Variants in LONRF1 observed in about 807,000 individuals in gnomAD.
The protein encoded by LONRF1 is LON peptidase N-terminal domain and ring finger 1, also known as LON peptidase N-terminal domain and RING finger protein 1.
A neutral mutation model predicts 85.8 loss-of-function variants in LONRF1; 37 were observed. The observed-to-expected ratio is 0.43, with a 90% CI of 0.33 to 0.57. The LOEUF (loss-of-function observed/expected upper bound fraction) is 0.57. Ranked by LOEUF, LONRF1 falls within the 20% of genes least tolerant of loss-of-function variation. The probability of loss-of-function intolerance (pLI) is 0.04; values close to 1 mark genes in which losing one functional copy is unlikely to be tolerated. For synonymous variants in LONRF1, 517 were observed against 390.1 expected (o/e 1.33, Z -3.83); for missense variants, 1,036 against 978.0 (o/e 1.06, Z -0.79).
chr8:12,746,957 T>A (rs897796579), intron 1 of LONRF1, among the ~76,000 whole-genome samples: 4 of 152,210 alleles, frequency 2.6e-5, no homozygotes, highest in Non-Finnish European at 5.9e-5. Context: ...TGTTTGCTAT[T>A]ATGATTCTGT....
chr8:12,732,693 T>C (rs1449670792), intron 7 of LONRF1, among the ~76,000 whole-genome samples: 1 of 152,228 alleles, frequency 6.6e-6, no homozygotes, highest in African/African-American at 2.4e-5. Context: ...AGAACCCATA[T>C]TTTACTGTTT....
chr8:12,751,936 C>T (rs796518709), intron 1 of LONRF1, among the ~76,000 whole-genome samples: 5 of 152,176 alleles, frequency 3.3e-5, no homozygotes, highest in African/African-American at 1.2e-4. Flanking sequence ...AGAGTTAATA[C>T]CAAAAGATCA....
intron 1 of LONRF1, chr8:12,753,392 A>C (rs1437734535): frequency 3.3e-5 from 5 of 152,176 alleles, no homozygotes; most frequent in Admixed American, 1.3e-4. Flanking sequence ...TTTCTTGGGG[A>C]TTATTCCCCT....
At chr8:12,753,472 C>T (rs1055980439) in intron 1 of LONRF1, 4 of 152,120 alleles carry the variant, frequency 2.6e-5, no homozygotes, top group African/African-American at 9.7e-5. Flanking sequence ...TCAACAGTGG[C>T]ACTTGGGGCC....
Position 12,754,620 on chromosome 8 carries a change from G to A in LONRF1, c.721+80C>T, listed in dbSNP as rs939232506. Reference sequence around the variant, plus strand: ...GGGAAGCAGAGGAGACTCTCGGGGCGCAGACAAGCTCCGGGTCCCCGGCCC... The same window carrying A: ...GGGAAGCAGAGGAGACTCTCGGGGCACAGACAAGCTCCGGGTCCCCGGCCC... On this transcript the variant is annotated intron_variant, in intron 1 of 11. Transcript: ENST00000398246. 7.3e-6 allele frequency: 9 copies of A among 1,239,078 alleles called. No individual in the cohort carries two copies. The African/African-American group carries it at 1.3e-4, about 17-fold the overall frequency. 76.8% of individuals were successfully genotyped at this position (1,239,078 alleles called of 1,614,324 possible).
intron 3 of LONRF1, among the ~76,000 whole-genome samples, chr8:12,738,411 C>A (rs1315382900): frequency 6.6e-6 from 1 of 152,106 alleles, no homozygotes; most frequent in Non-Finnish European, 1.5e-5. Flanking sequence ...AAAGGCTGAT[C>A]TTTCAACACA....
At chr8:12,752,070 A>T (rs1024357880) in intron 1 of LONRF1, among the ~76,000 whole-genome samples, 1 of 152,200 alleles carries the variant, frequency 6.6e-6, no homozygotes, top group Non-Finnish European at 1.5e-5. Context: ...ATAAGTTTGG[A>T]TGTGTGTGGG....
intron 10 of LONRF1, among the ~76,000 whole-genome samples, chr8:12,726,968 T>C (rs187846257): frequency 5.3e-4 from 80 of 152,250 alleles, no homozygotes; most frequent in Admixed American, 9.8e-4. Flanking sequence ...GTAAATTCTA[T>C]GTATATTTTA....
intron 10 of LONRF1, among the ~76,000 whole-genome samples, chr8:12,727,927 C>G (rs7010337): frequency 0.83 from 125,649 of 152,170 alleles, 52,339 homozygotes; most frequent in East Asian, 0.98. Context: ...CTGAGTCAGA[C>G]AGTTTGCTTT....
intron 1 of LONRF1, among the ~76,000 whole-genome samples, chr8:12,747,220 G>C (rs997358524): frequency 6.6e-6 from 1 of 152,176 alleles, no homozygotes; most frequent in Non-Finnish European, 1.5e-5. Flanking sequence ...ACCATCTGAG[G>C]AATCTAGTCT....
At chr8:12,747,442 G>C (rs948806737) in intron 1 of LONRF1, among the ~76,000 whole-genome samples, 5 of 152,032 alleles carry the variant, frequency 3.3e-5, no homozygotes, top group African/African-American at 1.2e-4. Context: ...AGAAATAAGA[G>C]GTAAAAACTA....
rs1450291285 is a variant in LONRF1 at position 12,736,924 on chromosome 8, T to G, written c.1330A>C (p.Arg444=). ...EQDVIVNEDG[R]NKLKKQGETP... ...CCTCCTTGTTTTTTCAGCTTATTTCTTCCATCTTCATTTACAATCACATCC... is the reference window on the plus strand; with the variant it reads ...CCTCCTTGTTTTTTCAGCTTATTTCGTCCATCTTCATTTACAATCACATCC... The change falls in exon 5 of 12, where the codon AGA becomes CGA. Residue 444 remains arginine, a synonymous_variant. Coordinates refer to ENST00000398246, the MANE Select transcript of LONRF1 (RefSeq NM_152271.5). 3 of 1,611,100 alleles carry G rather than the reference T, an allele frequency of 1.9e-6. No homozygotes were observed. The East Asian group carries it at 6.7e-5, about 36-fold the overall frequency.
At chr8:12,736,596 C>A (rs377388281) in intron 6 of LONRF1, 105 bp downstream of exon 6, 2 of 759,734 alleles carry the variant, frequency 2.6e-6, no homozygotes, top group Admixed American at 3.1e-5. Flanking sequence ...GATTTTTATT[C>A]CAGCATTGTG....
Position 12,755,350 on chromosome 8 carries a change from C to T in LONRF1, c.71G>A (p.Arg24Gln). Residue 24 changes from arginine (R) to glutamine (Q), a missense_variant, in exon 1 of 12, where the codon CGA becomes CAA. Physicochemically the swap from Arg to Gln is conservative, Grantham distance 43 (BLOSUM62 1). Transcript: ENST00000398246. ...GCCGCCCACTTCCCAGAACCGGCCT[C>T]GGCCCTGCGGCGCTGGGGCCATCTC... is the stretch of plus-strand genomic sequence containing the variant. ...SREMAPAPQG[R>Q]GRFWEVGGGS... 1.6e-6 allele frequency: 2 copies of T among 1,228,220 alleles called. No individual in the cohort carries two copies. Among genetic ancestry groups the T allele is most frequent in the Non-Finnish European group, 1.0e-6 (1 of 982,058 alleles). The allele number at this position is 1,228,220 out of a possible 1,614,324, so 76.1% of individuals were successfully genotyped here. A position where few individuals can be genotyped will look rare whatever the true frequency, so the allele number is the denominator to read the frequency against.
In LONRF1 at chr8:12,737,132, T is replaced by C; in HGVS notation, c.1122A>G (p.Glu374=). 1 of 1,610,988 alleles carries C rather than the reference T, an allele frequency of 6.2e-7. No individual in the cohort carries two copies. Among genetic ancestry groups the C allele is most frequent in the Non-Finnish European group, 8.5e-7 (1 of 1,178,684 alleles). The change falls in exon 5 of 12, where the codon GAA becomes GAG. Residue 374 remains glutamate (E), a synonymous_variant. Coordinates refer to ENST00000398246, the MANE Select transcript of LONRF1 (RefSeq NM_152271.5). ...LNEPSPKQSE[E]IPEVTSEPVK... is the part of the protein sequence containing the mutation. ...CAGGCTCTGAAGTGACCTCTGGTAT[T>C]TCTTCACTCTACAAAAATACAATAA...
intron 6 of LONRF1, among the ~76,000 whole-genome samples, chr8:12,735,868 T>G (rs1798698080): frequency 6.6e-6 from 1 of 152,198 alleles, no homozygotes; most frequent in Non-Finnish European, 1.5e-5. Flanking sequence ...TATAAGACCC[T>G]TATGATATAA....
chr8:12,738,015 T>G lies in LONRF1; in HGVS notation c.1093A>C (p.Asn365His), dbSNP rs1585239360. The G allele has an allele frequency of 3.1e-6, 5 of 1,608,722 alleles. No homozygotes were observed. The East Asian group carries it at 1.1e-4, about 36-fold the overall frequency. Residue 365 changes from asparagine to histidine, a missense_variant, in exon 4 of 12, where the codon AAT becomes CAT. Coordinates refer to ENST00000398246, the MANE Select transcript of LONRF1 (RefSeq NM_152271.5). ...HSVMEESQSL[N>H]EPSPKQSEEI... ...CGTACCTGCTTTGGGCTAGGTTCATTGAGAGACTGAGACTCTTCCATCACT... is the reference window on the plus strand; with the variant it reads ...CGTACCTGCTTTGGGCTAGGTTCATGGAGAGACTGAGACTCTTCCATCACT...
intron 2 of LONRF1, among the ~76,000 whole-genome samples, chr8:12,742,408 CTAAG>C: frequency 6.6e-6 from 1 of 152,236 alleles, no homozygotes; most frequent in Admixed American, 6.5e-5. Flanking sequence ...ATACACATTC[CTAAG>C]TCTTTTTAAA....
Position 12,723,009 on chromosome 8 carries a change from C to A in LONRF1, c.*87G>T. On this transcript the variant is annotated 3_prime_UTR_variant, in exon 12 of 12. Coordinates refer to ENST00000398246, the MANE Select transcript of LONRF1 (RefSeq NM_152271.5). ...AAAAGTTTCATTAAATTTCTGAAAC[C>A]AGCACTAGATGTGCAAAGGCAGCAG... The A allele has an allele frequency of 8.0e-7, 1 of 1,248,304 alleles. No individual in the cohort carries two copies. Among genetic ancestry groups the A allele is most frequent in the Non-Finnish European group, 1.1e-6 (1 of 916,824 alleles). The allele number at this position is 1,248,304 out of a possible 1,614,324, so 77.3% of individuals were successfully genotyped here. A position where few individuals can be genotyped will look rare whatever the true frequency, so the allele number is the denominator to read the frequency against.
Sources: allele counts gnomAD v4.1 joint callset (sites outside exome capture counted in the v4.1 genomes callset), GRCh38; gene constraint gnomAD v4.1.1; transcripts MANE v1.5; gene names NCBI Gene and HGNC (gene_info 2026-07-23, HGNC 2026-07-21).